The following COL14A1 variants were observed in gnomAD, a reference collection of about 807,000 sequenced individuals.
COL14A1 encodes the protein collagen type XIV alpha 1 chain.
COL14A1 carries 136 observed loss-of-function variants against 230.3 expected under a neutral mutation model. The ratio of observed to expected loss-of-function variants is 0.59; its 90% confidence interval spans 0.51 to 0.68. The LOEUF is 0.68. Ranked by LOEUF, COL14A1 falls within the 30% of genes least tolerant of loss-of-function variation. The probability of loss-of-function intolerance (pLI) is 0.00; values close to 1 mark genes in which losing one functional copy is unlikely to be tolerated. For synonymous variants in COL14A1, 792 were observed against 784.1 expected (o/e 1.01, Z -0.17); for missense variants, 1,976 against 2,215.8 (o/e 0.89, Z 2.17).
intron 26 of COL14A1, among the ~76,000 whole-genome samples, chr8:120,275,236 A>T (rs1425553252): frequency 6.6e-6 from 1 of 152,018 alleles, no homozygotes; most frequent in Non-Finnish European, 1.5e-5. Context: ...AAAAACATAA[A>T]TTGGGGAAAT....
At chr8:120,344,955 T>C (rs569628020) in intron 44 of COL14A1, among the ~76,000 whole-genome samples, 2 of 152,248 alleles carry the variant, frequency 1.3e-5, no homozygotes, top group Admixed American at 6.5e-5. Flanking sequence ...ACAGAGCACT[T>C]GTCTGGGGAT....
chr8:120,260,131 G>A (rs777208676), intron 23 of COL14A1, among the ~76,000 whole-genome samples: 3 of 151,898 alleles, frequency 2.0e-5, no homozygotes, highest in Non-Finnish European at 4.4e-5. Flanking sequence ...CTGTTATAAA[G>A]TTCCCTTCTG....
chr8:120,348,891 C>T (rs1362735691), intron 45 of COL14A1, among the ~76,000 whole-genome samples: 1 of 152,220 alleles, frequency 6.6e-6, no homozygotes, highest in Non-Finnish European at 1.5e-5. Flanking sequence ...TTTTACCCTT[C>T]CTGTTATTCC....
intron 1 of COL14A1, among the ~76,000 whole-genome samples, chr8:120,139,761 C>T (rs969602180): frequency 6.6e-6 from 1 of 152,132 alleles, no homozygotes; most frequent in African/African-American, 2.4e-5. Context: ...TGCGGTGGCT[C>T]ATGCCTATAA....
intron 20 of COL14A1, among the ~76,000 whole-genome samples, chr8:120,246,871 G>A (rs1254624346): frequency 1.3e-5 from 2 of 152,128 alleles, no homozygotes; most frequent in Non-Finnish European, 2.9e-5. Flanking sequence ...TAGGAAATAT[G>A]AAGATGAAAG....
intron 5 of COL14A1, 25 bp from the exon 6 acceptor site, chr8:120,196,766 C>A (rs767948764): frequency 2.5e-6 from 4 of 1,608,672 alleles, no homozygotes; most frequent in Non-Finnish European, 3.4e-6. Flanking sequence ...GTAACACATG[C>A]GCTTTTCTGG....
Position 120,227,313 on chromosome 8 carries a change from G to A in COL14A1, c.2098G>A (p.Gly700Arg), listed in dbSNP as rs1818129885. The part of the protein sequence containing the change: ...EVSLLAVLDD[G>R]SESEVVTAVG... The stretch of plus-strand genomic sequence containing the variant: ...TTCACTATTGGCCGTACTTGATGAT[G>A]GAAGCGAGAGTGAGGTGGTGACTGC... The change falls in exon 17 of 48, where the codon GGA (glycine) becomes AGA (arginine). Residue 700 changes from glycine to arginine, a missense_variant. This residue lies in a region of COL14A1 where 1,791 missense variants were observed against 2,019.5 expected (regional missense o/e 0.89). Coordinates refer to ENST00000297848, the MANE Select transcript of COL14A1 (RefSeq NM_021110.4). 1 of 1,614,004 alleles carries A rather than the reference G, an allele frequency of 6.2e-7. No individual in the cohort carries two copies. The highest frequency in any genetic ancestry group is 1.7e-4 in the Middle Eastern group (1 of 5,980).
Position 120,186,251 on chromosome 8 carries a change from G to A in COL14A1, c.437-10540G>A, listed in dbSNP as rs117203119. ...AAATATCTTCAGTAGTGTGGCTGGA[G>A]CCAATCTCTACACAGTAACAGTGAG... On this transcript the variant is annotated intron_variant, in intron 5 of 47. Transcript: ENST00000297848. Among the ~76,000 whole-genome samples the A allele has an allele frequency of 2.0e-5, 3 of 151,986 alleles. No homozygotes were observed. The East Asian group carries it at 5.8e-4, about 29-fold the overall frequency.
chr8:120,145,100 A>G (rs922158795), intron 1 of COL14A1, among the ~76,000 whole-genome samples: 1 of 152,250 alleles, frequency 6.6e-6, no homozygotes, highest in Non-Finnish European at 1.5e-5. Context: ...TTTGTTTAAA[A>G]AAATTTAAAT....
chr8:120,180,275 C>T (rs1199677993), intron 5 of COL14A1, among the ~76,000 whole-genome samples: 1 of 152,184 alleles, frequency 6.6e-6, no homozygotes. Context: ...ATTTGGAATT[C>T]CCACCATTTA....
Position 120,212,515 on chromosome 8 carries a change from TCA to T in COL14A1, c.1538_1539del (p.Thr513SerfsTer11). On this transcript the variant is annotated frameshift_variant, in exon 13 of 48. Transcript: ENST00000297848. LOFTEE classifies it high-confidence loss of function. ...TTGTTGCCCAATACAGAATACACAG[TCA>T]CAGTTTATGCCATGTTTGGAGAAGA... The T allele has an allele frequency of 6.2e-7, 1 of 1,613,628 alleles. No individual in the cohort carries two copies. Among genetic ancestry groups the T allele is most frequent in the Non-Finnish European group, 8.5e-7 (1 of 1,179,714 alleles).
intron 5 of COL14A1, 71 bp from the exon 6 acceptor site, chr8:120,196,720 A>G: frequency 6.7e-7 from 1 of 1,484,366 alleles, no homozygotes; most frequent in Non-Finnish European, 9.2e-7. Flanking sequence ...TGTCTAAAAG[A>G]CATTAAGATG....
At chr8:120,202,079 A>G (rs1817267592) in intron 8 of COL14A1, among the ~76,000 whole-genome samples, 1 of 152,226 alleles carries the variant, frequency 6.6e-6, no homozygotes, top group Non-Finnish European at 1.5e-5. Flanking sequence ...CCTTCAGGCA[A>G]GAACCATCAG....
chr8:120,280,305 C>T (rs977626263), intron 29 of COL14A1, among the ~76,000 whole-genome samples: 2 of 152,158 alleles, frequency 1.3e-5, no homozygotes, highest in East Asian at 3.9e-4. Flanking sequence ...TAAAAACCTT[C>T]CCTAATCAGA....
chr8:120,197,858 G>A lies in COL14A1; in HGVS notation c.640G>A (p.Ala214Thr), dbSNP rs777171917. Reference sequence around the variant, plus strand: ...CCCCAGAATAGAATGGCACTTGAATGCATTTAGCACAAAAGATGAAGTGAT... The same window carrying A: ...CCCCAGAATAGAATGGCACTTGAATACATTTAGCACAAAAGATGAAGTGAT... Reference protein sequence around the residue: ...GDPRIEWHLNAFSTKDEVIEA... With the variant: ...GDPRIEWHLNTFSTKDEVIEA... The change falls in exon 7 of 48, where the codon GCA becomes ACA. Residue 214 changes from alanine to threonine, a missense_variant. Physicochemically the swap from Ala to Thr is moderately conservative, Grantham distance 58 (BLOSUM62 0). Around this residue, in one of 3 missense-constraint regions of COL14A1, gnomAD observed 1,791 missense variants for 2,019.5 expected, o/e 0.89. Transcript: ENST00000297848. The A allele has an allele frequency of 3.7e-6, 6 of 1,613,542 alleles. No homozygotes were observed. The highest frequency in any genetic ancestry group is 4.2e-6 in the Non-Finnish European group (5 of 1,179,620).
chr8:120,174,893 A>G (rs571513930), intron 5 of COL14A1, among the ~76,000 whole-genome samples: 1 of 152,084 alleles, frequency 6.6e-6, no homozygotes, highest in African/African-American at 2.4e-5. Flanking sequence ...GGCCCACTGG[A>G]GACAAAAGAT....
chr8:120,341,293 A>G, intron 42 of COL14A1, 32 bp from the exon 43 acceptor site: 5 of 1,611,764 alleles, frequency 3.1e-6, no homozygotes, highest in Middle Eastern at 1.7e-4. Context: ...GTGCAATATC[A>G]TAAGTAACTT....
At position 120,227,227 on chromosome 8, in the gene COL14A1, T is replaced by C. The variant is rs771876364; in HGVS notation, c.2012T>C (p.Leu671Pro). Residue 671 changes from leucine to proline, a missense_variant, in exon 17 of 48, where the codon CTG (leucine) becomes CCG (proline). Leu to Pro is a moderately conservative substitution (Grantham distance 98, BLOSUM62 -3). Transcript: ENST00000297848. Reference sequence around the variant, plus strand: ...CACCAAAATATATTTCAGGTTGTCCTGAAAGAAGAGCAGGACTCACATGTT... The same window carrying C: ...CACCAAAATATATTTCAGGTTGTCCCGAAAGAAGAGCAGGACTCACATGTT... ...VYGGKTEEVV[L>P]KEEQDSHVIE... 2 of 1,613,830 alleles carry C rather than the reference T, an allele frequency of 1.2e-6. No individual in the cohort carries two copies. Among genetic ancestry groups the C allele is most frequent in the Non-Finnish European group, 8.5e-7 (1 of 1,179,914 alleles).
At chr8:120,137,709 A>T (rs1814759276) in intron 1 of COL14A1, among the ~76,000 whole-genome samples, 1 of 151,856 alleles carries the variant, frequency 6.6e-6, no homozygotes, top group African/African-American at 2.4e-5. Flanking sequence ...TCTTTGACTC[A>T]TTGATTATTT....
Sources: gnomAD v4.1 joint callset for allele counts (sites outside exome capture counted in the v4.1 genomes callset) on GRCh38, gnomAD v4.1.1 for gene constraint, gnomAD v4.1.1 regional missense constraint, MANE v1.5 for transcripts, NCBI Gene and HGNC (gene_info 2026-07-23, HGNC 2026-07-21) for gene names.